CPQ: variants seen among roughly 807,000 people sequenced by gnomAD.
The protein encoded by CPQ is Ser-Met dipeptidase.
CPQ carries 37 observed loss-of-function variants against 45.7 expected under a neutral mutation model. The ratio of observed to expected loss-of-function variants is 0.81; its 90% CI spans 0.62 to 1.07. The LOEUF is 1.07. Among genes scored for constraint, CPQ ranks in the 50% least tolerant of loss-of-function variants. The pLI is 0.00. For missense variants in CPQ, 537 were observed against 572.9 expected (o/e 0.94, Z 0.64); for synonymous variants, 186 against 205.8 (o/e 0.90, Z 0.82).
At chr8:97,052,199 T>C (rs572206518) in intron 6 of CPQ, among the ~76,000 whole-genome samples, 1 of 152,330 alleles carries the variant, frequency 6.6e-6, no homozygotes, top group Admixed American at 6.5e-5. Context: ...TGAAGGAAAT[T>C]GTTTTTCTTC....
intron 2 of CPQ, among the ~76,000 whole-genome samples, chr8:96,787,521 A>ATTTTTTTT: frequency 2.7e-5 from 1 of 37,408 alleles, no homozygotes. Flanking sequence ...TTTTCTTATA[A>ATTTTTTTT]TGTCTTTTTT....
At chr8:96,880,039 G>A (rs1225991863) in intron 4 of CPQ, 34 bp downstream of exon 4, 3 of 1,571,476 alleles carry the variant, frequency 1.9e-6, no homozygotes, top group Non-Finnish European at 2.6e-6. Context: ...TAAGAATACA[G>A]TTTCCTGGTC....
intron 6 of CPQ, among the ~76,000 whole-genome samples, chr8:97,038,947 G>A (rs112460410): frequency 1.4e-3 from 214 of 152,060 alleles, no homozygotes; most frequent in African/African-American, 4.5e-3. Context: ...CTTATATCAC[G>A]GTCACAGCTT....
intron 1 of CPQ, among the ~76,000 whole-genome samples, chr8:96,718,464 C>T (rs931191362): frequency 2.6e-5 from 4 of 152,062 alleles, no homozygotes; most frequent in Non-Finnish European, 5.9e-5. Context: ...TGTTCGTTCC[C>T]CCCAGTGGGC....
At chr8:96,767,294 A>G (rs189760989) in intron 1 of CPQ, among the ~76,000 whole-genome samples, 2 of 152,250 alleles carry the variant, frequency 1.3e-5, no homozygotes, top group Non-Finnish European at 2.9e-5. Flanking sequence ...ATTTCCCATA[A>G]CAGCGACTAG....
At chr8:96,991,520 C>G (rs993592289) in intron 5 of CPQ, among the ~76,000 whole-genome samples, 9 of 151,230 alleles carry the variant, frequency 6.0e-5, no homozygotes, top group African/African-American at 1.9e-4. Flanking sequence ...TGCACCACTG[C>G]ACTCCAGCCT....
intron 3 of CPQ, among the ~76,000 whole-genome samples, chr8:96,876,027 G>C (rs1299782311): frequency 6.6e-6 from 1 of 151,730 alleles, no homozygotes; most frequent in Non-Finnish European, 1.5e-5. Flanking sequence ...AAATTTATTT[G>C]TTCTATTTTA....
At chr8:96,699,593 T>C (rs1188021070) in intron 1 of CPQ, among the ~76,000 whole-genome samples, 1 of 152,124 alleles carries the variant, frequency 6.6e-6, no homozygotes, top group Non-Finnish European at 1.5e-5. Flanking sequence ...ATATTTTATG[T>C]AACGCATATA....
At chr8:96,981,919 TGGGA>T (rs1320226194) in intron 5 of CPQ, among the ~76,000 whole-genome samples, 2 of 152,216 alleles carry the variant, frequency 1.3e-5, no homozygotes, top group Non-Finnish European at 2.9e-5. Context: ...TGGGCCTGTC[TGGGA>T]CTCAGTTCCT....
chr8:96,852,166 T>G (rs1386172154), intron 3 of CPQ, among the ~76,000 whole-genome samples: 1 of 152,214 alleles, frequency 6.6e-6, no homozygotes, highest in Non-Finnish European at 1.5e-5. Flanking sequence ...CAAGACTTGG[T>G]TAATGAAATC....
At chr8:97,070,303 C>G (rs1563572216) in intron 7 of CPQ, among the ~76,000 whole-genome samples, 1 of 152,136 alleles carries the variant, frequency 6.6e-6, no homozygotes, top group Non-Finnish European at 1.5e-5. Flanking sequence ...GTCCCACAAC[C>G]TGGCATGTGA....
intron 1 of CPQ, among the ~76,000 whole-genome samples, chr8:96,771,181 A>G (rs1453225720): frequency 6.7e-6 from 1 of 150,068 alleles, no homozygotes; most frequent in African/African-American, 2.4e-5. Flanking sequence ...TTAAACTTTT[A>G]AAAAATCAGA....
Position 96,835,008 on chromosome 8 carries a change from G to T in CPQ, c.469G>T (p.Asp157Tyr). 1 of 1,613,404 alleles carries T rather than the reference G, an allele frequency of 6.2e-7. No homozygotes were observed. The highest frequency in any genetic ancestry group is 8.5e-7 in the Non-Finnish European group (1 of 1,179,704). ...TAEVLVVTSF[D>Y]ELQRRASEAR... ...AGAAGTTCTGGTGGTGACCTCTTTC[G>T]ATGAACTGCAGAGAAGGGCCTCAGA... The change falls in exon 3 of 8, where the codon GAT becomes TAT. Residue 157 changes from aspartate (D) to tyrosine (Y), a missense_variant. Physicochemically the swap from Asp to Tyr is radical, Grantham distance 160. Transcript: ENST00000220763.
chr8:97,056,841 A>G (rs1479739759), intron 6 of CPQ, among the ~76,000 whole-genome samples: 1 of 152,208 alleles, frequency 6.6e-6, no homozygotes, highest in Non-Finnish European at 1.5e-5. Flanking sequence ...TCATGGGAAC[A>G]CTTTCAGTCT....
At position 96,821,260 on chromosome 8, in the gene CPQ, G is replaced by A. The variant is rs149454258; in HGVS notation, c.434-13713G>A. Among the ~76,000 whole-genome samples, 482 of 149,042 alleles carry A rather than the reference G, an allele frequency of 3.2e-3. 4 individuals carry two copies. Among genetic ancestry groups the A allele is most frequent in the African/African-American group, 0.011 (455 of 40,552 alleles). Reference sequence around the variant, plus strand: ...CTGTGTGTTGTCTTTTCACTTTGTCGATTGTTTGCTGTGCAGAAGCTTTTT... The same window carrying A: ...CTGTGTGTTGTCTTTTCACTTTGTCAATTGTTTGCTGTGCAGAAGCTTTTT... On this transcript the variant is annotated intron_variant, in intron 2 of 7. Transcript: ENST00000220763.
At chr8:96,976,786 G>A (rs1223573947) in intron 5 of CPQ, among the ~76,000 whole-genome samples, 1 of 152,078 alleles carries the variant, frequency 6.6e-6, no homozygotes, top group African/African-American at 2.4e-5. Flanking sequence ...TGGGATAATT[G>A]GCAAGCCACA....
At chr8:96,840,780 G>A (rs1174545994) in intron 3 of CPQ, among the ~76,000 whole-genome samples, 1 of 152,286 alleles carries the variant, frequency 6.6e-6, no homozygotes, top group South Asian at 2.1e-4. Flanking sequence ...ATTCAAAGGG[G>A]GAAGGAGTAG....
chr8:97,051,456 G>A (rs1810361012), intron 6 of CPQ, among the ~76,000 whole-genome samples: 1 of 152,130 alleles, frequency 6.6e-6, no homozygotes, highest in Non-Finnish European at 1.5e-5. Context: ...AGAGATTTCT[G>A]CAACAAGTCT....
Position 96,826,929 on chromosome 8 carries a change from T to C in CPQ, c.434-8044T>C, listed in dbSNP as rs191721592. On this transcript the variant is annotated intron_variant, in intron 2 of 7. Coordinates refer to ENST00000220763, the MANE Select transcript of CPQ (RefSeq NM_016134.4). ...TTTGCTGAGGATAATGGCTTCCAGC[T>C]CCACCCATGACCCTGCAAAGGACAT... Among the ~76,000 whole-genome samples, 25 of 152,170 alleles carry C rather than the reference T, an allele frequency of 1.6e-4. 1 individual carries two copies. The East Asian group carries it at 4.1e-3, about 25-fold the overall frequency.
Sources: allele counts gnomAD v4.1 joint callset (sites outside exome capture counted in the v4.1 genomes callset), GRCh38; gene constraint gnomAD v4.1.1; transcripts MANE v1.5; gene names NCBI Gene and HGNC (gene_info 2026-07-23, HGNC 2026-07-21).